Variants in ATPAF1 observed in about 807,000 individuals in gnomAD.
ATPAF1 encodes homolog of yeast ATP11.
In ATPAF1, 26 loss-of-function variants were observed where a neutral mutation model predicts 43.9. The ratio of observed to expected loss-of-function variants is 0.59; its 90% confidence interval spans 0.43 to 0.82. The LOEUF (loss-of-function observed/expected upper bound fraction) is 0.82, where lower values mean the gene tolerates loss of function less well. Ranked by LOEUF, ATPAF1 falls within the 40% of genes least tolerant of loss-of-function variation. The pLI is 0.00. For missense variants in ATPAF1, 366 were observed against 435.0 expected (o/e 0.84, Z 1.41); for synonymous variants, 157 against 168.0 (o/e 0.93, Z 0.50).
intron 8 of ATPAF1, 80 bp from the exon 9 acceptor site, chr1:46,636,050 G>T: frequency 6.6e-7 from 1 of 1,519,000 alleles, no homozygotes; most frequent in Non-Finnish European, 9.1e-7. Flanking sequence ...GTGGGTGGGG[G>T]CCCTCGCCCA....
At chr1:46,656,773 T>C (rs1676280758) in intron 4 of ATPAF1, among the ~76,000 whole-genome samples, 1 of 152,232 alleles carries the variant, frequency 6.6e-6, no homozygotes, top group Admixed American at 6.5e-5. Context: ...CATGTTCCTT[T>C]GGTACTTCTT....
chr1:46,668,440 G>T, upstream of ATPAF1: 1 of 1,128,206 alleles, frequency 8.9e-7, no homozygotes, highest in Non-Finnish European at 1.1e-6. The surrounding 1 kb of genome is among the most constrained non-coding windows in gnomAD (Gnocchi z 4.4). Flanking sequence ...GGTTCCGCGC[G>T]CCCAAGGTTC....
intron 4 of ATPAF1, among the ~76,000 whole-genome samples, chr1:46,656,185 A>G (rs1042255549): frequency 6.6e-6 from 1 of 152,192 alleles, no homozygotes; most frequent in Admixed American, 6.5e-5. Flanking sequence ...GGCTGGGAAG[A>G]TAACAGGTAG....
chr1:46,665,933 G>A, intron 1 of ATPAF1: 1 of 1,261,882 alleles, frequency 7.9e-7, no homozygotes, highest in Non-Finnish European at 1.0e-6. Flanking sequence ...ATGTCAAAAT[G>A]GGGTTGGTCT....
intron 4 of ATPAF1, among the ~76,000 whole-genome samples, chr1:46,655,302 C>T (rs1157366714): frequency 6.6e-6 from 1 of 152,078 alleles, no homozygotes; most frequent in Admixed American, 6.5e-5. Flanking sequence ...AATCCTGCTT[C>T]CAGAAAGTCT....
Position 46,653,919 on chromosome 1 carries a change from T to A in ATPAF1, c.490-52A>T. The A allele has an allele frequency of 6.4e-7, 1 of 1,551,642 alleles. No homozygotes were observed. Among genetic ancestry groups the A allele is most frequent in the Non-Finnish European group, 8.9e-7 (1 of 1,129,436 alleles). ...TGACATGTGGGTAATCTTTTCAACA[T>A]GTGCCAAGAAATGGTGACAGTTTTC... On this transcript the variant is annotated intron_variant, in intron 4 of 8. Coordinates refer to ENST00000574428, the Ensembl canonical transcript of ATPAF1. This position sits in a 1 kb window ranked among gnomAD's most constrained non-coding sequence, Gnocchi z 4.8.
At position 46,668,324 on chromosome 1, in the gene ATPAF1, G is replaced by GCCGCCC; in HGVS notation, c.-8_-3dup. ...AGCCGCCACCACCACAGCAGCCATG[G>GCCGCCC]CCGCCCCCGCCTCCTCCTCCTCCTC... On this transcript the variant is annotated 5_prime_UTR_variant, in exon 1 of 9. Coordinates refer to ENST00000574428, the Ensembl canonical transcript of ATPAF1. The surrounding 1 kb of genome is among the most constrained non-coding windows in gnomAD (Gnocchi z 4.4). 1 of 1,361,040 alleles carries GCCGCCC rather than the reference G, an allele frequency of 7.3e-7. No individual in the cohort carries two copies. The highest frequency in any genetic ancestry group is 9.5e-7 in the Non-Finnish European group (1 of 1,052,452). The allele number at this position is 1,361,040 out of a possible 1,614,324, so 84.3% of individuals were successfully genotyped here. A position where few individuals can be genotyped will look rare whatever the true frequency, so the allele number is the denominator to read the frequency against.
exon 9 of ATPAF1, chr1:46,635,898 C>T (rs868178369): frequency 8.1e-6 from 13 of 1,614,100 alleles, no homozygotes; most frequent in African/African-American, 1.3e-5. Context: ...TCCACTAACC[C>T]GTAGGTCTCT....
At chr1:46,667,641 G>A (rs1452547825) in intron 1 of ATPAF1, among the ~76,000 whole-genome samples, 2 of 152,152 alleles carry the variant, frequency 1.3e-5, no homozygotes, top group Non-Finnish European at 2.9e-5. Flanking sequence ...TTGCAGTCAA[G>A]GCCCTAAGCT....
Position 46,653,759 on chromosome 1 carries a change from G to C in ATPAF1, c.540+58C>G. 1 of 1,540,262 alleles carries C rather than the reference G, an allele frequency of 6.5e-7. No homozygotes were observed. Among genetic ancestry groups the C allele is most frequent in the Admixed American group, 1.8e-5 (1 of 56,706 alleles). ...AAAAGTAAAGGCAACTGCCTGCTAA[G>C]GTTAGAGAACTGACTTTCATGTTGT... On this transcript the variant is annotated intron_variant, in intron 5 of 8. Coordinates refer to ENST00000574428, the Ensembl canonical transcript of ATPAF1. This position sits in a 1 kb window ranked among gnomAD's most constrained non-coding sequence, Gnocchi z 4.8.
At chr1:46,649,720 T>C (rs1156449248) in intron 6 of ATPAF1, among the ~76,000 whole-genome samples, 1 of 152,072 alleles carries the variant, frequency 6.6e-6, no homozygotes, top group Non-Finnish European at 1.5e-5. Context: ...ACCAAGGAAT[T>C]TGAGACCAGC....
At chr1:46,643,444 G>C in intron 7 of ATPAF1, 143 bp from the exon 8 acceptor site, 1 of 628,172 alleles carries the variant, frequency 1.6e-6, no homozygotes, top group African/African-American at 1.8e-5. Context: ...GTATGTGGTG[G>C]TAAGGTCAGG....
intron 6 of ATPAF1, chr1:46,652,305 T>A (rs1339780684): frequency 3.2e-6 from 1 of 309,702 alleles, no homozygotes; most frequent in Admixed American, 4.6e-5. Flanking sequence ...AAAGGGCTGA[T>A]GTGGTAGGGA....
exon 9 of ATPAF1, chr1:46,635,404 G>T: frequency 5.1e-6 from 1 of 196,004 alleles, no homozygotes; most frequent in Non-Finnish European, 1.1e-5. Context: ...ATCCTGTCAT[G>T]AGTTCATAAA....
intron 8 of ATPAF1, among the ~76,000 whole-genome samples, chr1:46,641,511 G>C (rs1439618083): frequency 6.6e-6 from 1 of 152,150 alleles, no homozygotes; most frequent in Non-Finnish European, 1.5e-5. Flanking sequence ...AATGCCCCTT[G>C]AAAGAGTTTC....
chr1:46,655,736 C>G (rs974183026), intron 4 of ATPAF1, among the ~76,000 whole-genome samples: 8 of 152,212 alleles, frequency 5.3e-5, no homozygotes, highest in African/African-American at 1.7e-4. Context: ...TACCTCTGAC[C>G]TCCCAAATTC....
chr1:46,667,366 C>G (rs1269941335), intron 1 of ATPAF1, among the ~76,000 whole-genome samples: 1 of 152,190 alleles, frequency 6.6e-6, no homozygotes, highest in Non-Finnish European at 1.5e-5. Context: ...TCCTTTAGCT[C>G]TTCCCACTTG....
chr1:46,664,001 G>T, intron 2 of ATPAF1: 1 of 901,772 alleles, frequency 1.1e-6, no homozygotes, highest in South Asian at 1.6e-5. Flanking sequence ...AAAGATGAAA[G>T]AGAATAAAAA....
chr1:46,664,968 TTC>T (rs1275799402), intron 2 of ATPAF1: 5 of 324,014 alleles, frequency 1.5e-5, no homozygotes, highest in Non-Finnish European at 2.8e-5. Flanking sequence ...ATGGGAAATT[TTC>T]TCTGATACCT....
Sources: gnomAD v4.1 joint callset for allele counts (sites outside exome capture counted in the v4.1 genomes callset) on GRCh38, gnomAD v4.1.1 for gene constraint, Gnocchi (gnomAD v3.1) non-coding constraint, MANE v1.5 for transcripts, NCBI Gene and HGNC (gene_info 2026-07-23, HGNC 2026-07-21) for gene names.